RNF19B: variants seen among roughly 807,000 people sequenced by gnomAD.
RNF19B encodes the protein ring finger protein 19B, also known as E3 ubiquitin-protein ligase RNF19B.
RNF19B carries 23 observed loss-of-function variants against 65.5 expected under a neutral mutation model. The observed-to-expected ratio is 0.35, with a 90% CI of 0.25 to 0.50. RNF19B has a LOEUF of 0.50. Ranked by LOEUF, RNF19B falls within the 20% of genes least tolerant of loss-of-function variation. RNF19B has a pLI of 0.98. For missense variants in RNF19B, 794 were observed against 980.0 expected (o/e 0.81, Z 2.53); for synonymous variants, 372 against 379.6 (o/e 0.98, Z 0.23).
In RNF19B at chr1:32,964,610, T is replaced by C; in HGVS notation, c.76A>G (p.Ser26Gly). ...HAAAPDPKCRSGGRRRRLTLH... is the reference protein window; with the variant it reads ...HAAAPDPKCRGGGRRRRLTLH... The stretch of plus-strand genomic sequence containing the variant: ...GTGAGGCGCCGGCGCCGGCCGCCGC[T>C]GCGGCACTTAGGGTCGGGTGCGGCC... The change falls in exon 1 of 9, where the codon AGC becomes GGC. Residue 26 changes from serine to glycine, a missense_variant. By Grantham distance (56) the Ser-to-Gly change is moderately conservative. Around this residue, in one of 3 missense-constraint regions of RNF19B, gnomAD observed 374 missense variants for 423.8 expected, o/e 0.88. Transcript: ENST00000235150. The surrounding 1 kb of genome is among the most constrained non-coding windows in gnomAD (Gnocchi z 6.5). The C allele has an allele frequency of 6.8e-7, 1 of 1,462,390 alleles. No homozygotes were observed. The highest frequency in any genetic ancestry group is 9.0e-7 in the Non-Finnish European group (1 of 1,110,784). 90.6% of individuals were successfully genotyped at this position (1,462,390 alleles called of 1,614,324 possible).
chr1:32,933,487 C>A (rs1368893731), downstream of RNF19B, among the ~76,000 whole-genome samples: 1 of 151,984 alleles, frequency 6.6e-6, no homozygotes. Flanking sequence ...GATCTCCCGA[C>A]CTTGTGAGCC....
chr1:32,950,772 A>G (rs1218035203), intron 1 of RNF19B, among the ~76,000 whole-genome samples: 1 of 151,738 alleles, frequency 6.6e-6, no homozygotes, highest in Non-Finnish European at 1.5e-5. Flanking sequence ...TCCGGGCTCA[A>G]TCAATCAGCC....
chr1:32,939,731 C>T (rs1297718695), intron 7 of RNF19B, among the ~76,000 whole-genome samples: 1 of 152,200 alleles, frequency 6.6e-6, no homozygotes, highest in Non-Finnish European at 1.5e-5. Context: ...CACTTTGTTG[C>T]ACAGTTAAGT....
chr1:32,935,065 C>T (rs547461278), downstream of RNF19B, among the ~76,000 whole-genome samples: 3 of 151,962 alleles, frequency 2.0e-5, no homozygotes, highest in East Asian at 1.9e-4. Context: ...CTCCTGACCT[C>T]GTGATTCACC....
chr1:32,947,486 C>G (rs1642392804), intron 3 of RNF19B, among the ~76,000 whole-genome samples: 1 of 151,984 alleles, frequency 6.6e-6, no homozygotes, highest in African/African-American at 2.4e-5. Context: ...TGGTGAAACC[C>G]CGCCTCCACT....
rs1172602964 is a variant in RNF19B at position 32,946,269 on chromosome 1, G to A, written c.1146+133C>T. The A allele has an allele frequency of 1.0e-5, 7 of 687,786 alleles. No homozygotes were observed. In the East Asian group the frequency reaches 1.4e-4, roughly 14 times the overall value. The allele number at this position is 687,786 out of a possible 1,614,324, so 42.6% of individuals were successfully genotyped here. ...GGTTTATGAAAATCCATTTAAGAAA[G>A]TAAGGTTATTTTTATCTAAGAACCA... On this transcript the variant is annotated intron_variant, in intron 4 of 8. Transcript: ENST00000235150.
At chr1:32,951,248 T>G (rs1642490629) in intron 1 of RNF19B, among the ~76,000 whole-genome samples, 1 of 152,262 alleles carries the variant, frequency 6.6e-6, no homozygotes, top group African/African-American at 2.4e-5. Flanking sequence ...AATCCAGGTT[T>G]GTGCAGGTTA....
downstream of RNF19B, among the ~76,000 whole-genome samples, chr1:32,934,836 ATTATT>A (rs533292633): frequency 5.0e-4 from 76 of 152,006 alleles, no homozygotes; most frequent in African/African-American, 1.7e-3. Flanking sequence ...TTCTAAGGAC[ATTATT>A]TTATTTTGTC....
At position 32,936,501 on chromosome 1, in the gene RNF19B, G is replaced by T. The variant is rs772414779; in HGVS notation, c.*305C>A. 1 of 231,386 alleles carries T rather than the reference G, an allele frequency of 4.3e-6. No homozygotes were observed. Among genetic ancestry groups the T allele is most frequent in the Non-Finnish European group, 8.4e-6 (1 of 119,754 alleles). The allele number at this position is 231,386 out of a possible 1,614,324, so 14.3% of individuals were successfully genotyped here. A position where few individuals can be genotyped will look rare whatever the true frequency, so the allele number is the denominator to read the frequency against. On this transcript the variant is annotated 3_prime_UTR_variant, in exon 9 of 9. Transcript: ENST00000235150. ...AATGTGTCTTTCAGTAATATGTTTAGCATTCAATATACACACATACATATG... is the reference window on the plus strand; with the variant it reads ...AATGTGTCTTTCAGTAATATGTTTATCATTCAATATACACACATACATATG...
In RNF19B at chr1:32,948,250, T is replaced by G. The variant is rs1374649203; in HGVS notation, c.955A>C (p.Lys319Gln). 1.2e-6 allele frequency: 2 copies of G among 1,614,106 alleles called. No homozygotes were observed. Among genetic ancestry groups the G allele is most frequent in the Non-Finnish European group, 8.5e-7 (1 of 1,179,984 alleles). The change falls in exon 3 of 9, where the codon AAA (lysine) becomes CAA (glutamine). Residue 319 changes from lysine to glutamine, a missense_variant. This residue lies in a region of RNF19B where 52 missense variants were observed against 108.8 expected (regional missense o/e 0.48). Coordinates refer to ENST00000235150, the MANE Select transcript of RNF19B (RefSeq NM_001300826.2). ...CGCEFCWLCM[K>Q]EISDLHYLSP... ...AGGTAATGCAAGTCTGAGATCTCTT[T>G]CATACAAAGCCAACAGAATTCACAG...
chr1:32,939,819 A>G (rs1642190332), intron 7 of RNF19B, among the ~76,000 whole-genome samples: 1 of 152,244 alleles, frequency 6.6e-6, no homozygotes, highest in Admixed American at 6.5e-5. Context: ...TCACAGAACT[A>G]GAACAGCTGG....
At chr1:32,958,005 C>G (rs528285010) in intron 1 of RNF19B, among the ~76,000 whole-genome samples, 1 of 152,288 alleles carries the variant, frequency 6.6e-6, no homozygotes, top group African/African-American at 2.4e-5. Flanking sequence ...ACTTTGTACA[C>G]AGAGTTGTAG....
chr1:32,940,674 T>C (rs1373491108), intron 7 of RNF19B, among the ~76,000 whole-genome samples: 1 of 152,194 alleles, frequency 6.6e-6, no homozygotes, highest in Non-Finnish European at 1.5e-5. Flanking sequence ...AAGGCAACCA[T>C]CTCCTCTACC....
At chr1:32,938,140 C>CCA (rs1642147651) in intron 8 of RNF19B, among the ~76,000 whole-genome samples, 1 of 46,044 alleles carries the variant, frequency 2.2e-5, no homozygotes, top group African/African-American at 8.5e-5. Context: ...CCAAGAAAGA[C>CCA]AAAAAAAAAA....
chr1:32,952,842 G>C (rs943240997), intron 1 of RNF19B, among the ~76,000 whole-genome samples: 1 of 151,734 alleles, frequency 6.6e-6, no homozygotes, highest in African/African-American at 2.4e-5. Flanking sequence ...GAGGCTGGGA[G>C]GTTGAGGCTC....
Position 32,936,782 on chromosome 1 carries a change from C to G in RNF19B, c.*24G>C. ...AAGATGCAGTTACAAGTGTGCTTCT[C>G]AGAACAGGAGCATTCATTCCACTTC... On this transcript the variant is annotated 3_prime_UTR_variant, in exon 9 of 9. Coordinates refer to ENST00000235150, the MANE Select transcript of RNF19B (RefSeq NM_001300826.2). The G allele has an allele frequency of 6.7e-7, 1 of 1,494,250 alleles. No homozygotes were observed. The highest frequency in any genetic ancestry group is 1.4e-5 in the African/African-American group (1 of 71,402). The allele number at this position is 1,494,250 out of a possible 1,614,324, so 92.6% of individuals were successfully genotyped here.
Position 32,964,338 on chromosome 1 carries a change from C to T in RNF19B, c.348G>A (p.Glu116=), listed in dbSNP as rs1252129851. The stretch of plus-strand genomic sequence containing the variant: ...GCACCAGGCACAGCGGACACTCCAC[C>T]TCCTCCGCGCCCGGGCCACCGCCCT... The part of the protein sequence containing the change: ...AAEGGGPGAE[E]VECPLCLVRL... Residue 116 remains glutamate (E), a synonymous_variant, in exon 1 of 9, where the codon GAG becomes GAA. Coordinates refer to ENST00000235150, the MANE Select transcript of RNF19B (RefSeq NM_001300826.2). The surrounding 1 kb of genome is among the most constrained non-coding windows in gnomAD (Gnocchi z 6.5). 7.6e-6 allele frequency: 11 copies of T among 1,449,294 alleles called. No individual in the cohort carries two copies. The South Asian group carries it at 1.4e-4, about 18-fold the overall frequency. 89.8% of individuals were successfully genotyped at this position (1,449,294 alleles called of 1,614,324 possible). A position where few individuals can be genotyped will look rare whatever the true frequency, so the allele number is the denominator to read the frequency against.
downstream of RNF19B, among the ~76,000 whole-genome samples, chr1:32,934,852 AGACG>A (rs1642070880): frequency 6.6e-6 from 1 of 152,144 alleles, no homozygotes; most frequent in South Asian, 2.1e-4. Flanking sequence ...TTATTTTGTC[AGACG>A]GAGTCTCACT....
intron 1 of RNF19B, among the ~76,000 whole-genome samples, chr1:32,951,834 A>G (rs1642506748): frequency 6.6e-6 from 1 of 150,930 alleles, no homozygotes; most frequent in African/African-American, 2.4e-5. Flanking sequence ...GTCTCACTAT[A>G]TCGCCCAGGA....
Sources: allele counts gnomAD v4.1 joint callset (sites outside exome capture counted in the v4.1 genomes callset), GRCh38; gene constraint gnomAD v4.1.1; regional missense constraint gnomAD v4.1.1; non-coding constraint Gnocchi (gnomAD v3.1); transcripts MANE v1.5; gene names NCBI Gene and HGNC (gene_info 2026-07-23, HGNC 2026-07-21).